Variants in ADGRL3 observed in about 807,000 individuals in gnomAD.
ADGRL3 encodes calcium-independent alpha-latrotoxin receptor 3.
Under a neutral mutation model 153.5 loss-of-function variants are expected in ADGRL3, and 62 were observed. The ratio of observed to expected loss-of-function variants is 0.40; its 90% CI spans 0.33 to 0.50. The LOEUF is 0.50. ADGRL3 is among the 20% of genes least tolerant of loss of function. The pLI is 0.47. For synonymous variants in ADGRL3, 710 were observed against 672.5 expected (o/e 1.06, Z -0.86); for missense variants, 1,641 against 1,859.4 (o/e 0.88, Z 2.16).
At chr4:61,669,247 T>C (rs1018105672) in intron 5 of ADGRL3, among the ~76,000 whole-genome samples, 5 of 152,208 alleles carry the variant, frequency 3.3e-5, no homozygotes, top group African/African-American at 7.2e-5. Context: ...ATTCTCTTTA[T>C]GACCTACATA....
intron 1 of ADGRL3, among the ~76,000 whole-genome samples, chr4:61,231,324 A>C (rs1750553948): frequency 6.6e-6 from 1 of 152,162 alleles, no homozygotes; most frequent in African/African-American, 2.4e-5. Flanking sequence ...TGGGTGAGGC[A>C]GAAACAGAAA....
chr4:61,510,247 A>T (rs2098456348), intron 3 of ADGRL3, among the ~76,000 whole-genome samples: 1 of 151,992 alleles, frequency 6.6e-6, no homozygotes, highest in Non-Finnish European at 1.5e-5. Flanking sequence ...TTGCTGTGTG[A>T]AAGTTCTTTA....
At chr4:61,994,666 A>G (rs1217383762) in intron 19 of ADGRL3, among the ~76,000 whole-genome samples, 1 of 152,128 alleles carries the variant, frequency 6.6e-6, no homozygotes, top group African/African-American at 2.4e-5. Flanking sequence ...AACCTAAAAC[A>G]TATGGCTAAA....
intron 5 of ADGRL3, among the ~76,000 whole-genome samples, chr4:61,645,182 T>C (rs1265358809): frequency 6.6e-6 from 1 of 152,236 alleles, no homozygotes; most frequent in East Asian, 1.9e-4. Context: ...TGTGTATCTC[T>C]GCACATGAGA....
At chr4:61,417,305 T>C (rs1422334850) in intron 2 of ADGRL3, among the ~76,000 whole-genome samples, 5 of 151,854 alleles carry the variant, frequency 3.3e-5, no homozygotes, top group Non-Finnish European at 1.5e-5. Flanking sequence ...CTGGGCAACA[T>C]AGTGAGACCC....
chr4:62,023,771 C>T (rs1716675426), intron 21 of ADGRL3, among the ~76,000 whole-genome samples: 1 of 152,092 alleles, frequency 6.6e-6, no homozygotes, highest in Non-Finnish European at 1.5e-5. Flanking sequence ...CTATTGCGTG[C>T]TTAATAGACT....
At chr4:61,364,591 G>A (rs1007029226) in intron 1 of ADGRL3, among the ~76,000 whole-genome samples, 9 of 151,770 alleles carry the variant, frequency 5.9e-5, no homozygotes, top group African/African-American at 1.7e-4. Flanking sequence ...TGTAGCACAC[G>A]AAATAGCACA....
chr4:61,744,015 T>C (rs183285440), intron 8 of ADGRL3, among the ~76,000 whole-genome samples: 2 of 152,160 alleles, frequency 1.3e-5, no homozygotes, highest in Admixed American at 1.3e-4. Context: ...ACCCCCATAC[T>C]GAGCTTTTCC....
At chr4:61,356,062 C>T (rs76054290) in intron 1 of ADGRL3, among the ~76,000 whole-genome samples, 5,046 of 152,046 alleles carry the variant, frequency 0.033, 132 homozygotes, top group Non-Finnish European at 0.052. Context: ...GCAGTATTTA[C>T]GAATGGTGAA....
intron 9 of ADGRL3, among the ~76,000 whole-genome samples, chr4:61,830,153 C>T (rs1311894377): frequency 1.3e-5 from 2 of 151,998 alleles, no homozygotes; most frequent in Non-Finnish European, 2.9e-5. Flanking sequence ...ACTACAAGCA[C>T]ATGTGCCATC....
chr4:62,053,020 T>C (rs1054837713), intron 25 of ADGRL3, among the ~76,000 whole-genome samples: 13 of 151,536 alleles, frequency 8.6e-5, no homozygotes, highest in African/African-American at 3.1e-4. Context: ...TTGAACTGTG[T>C]CTCTCATCTG....
chr4:61,823,445 A>G (rs1374630410), intron 9 of ADGRL3, among the ~76,000 whole-genome samples: 1 of 152,138 alleles, frequency 6.6e-6, no homozygotes. Flanking sequence ...TAATCATACT[A>G]TTCTTTAGGA....
At position 61,338,388 on chromosome 4, in the gene ADGRL3, T is replaced by C. The variant is rs868699624; in HGVS notation, c.-239-44736T>C. ...AAGTTAGTATGATTATCATTCAGTG[T>C]GTGTCTGTGTGTGTGTGTGTGTGTG... On this transcript the variant is annotated intron_variant, in intron 1 of 26. Coordinates refer to ENST00000683033, the MANE Select transcript of ADGRL3 (RefSeq NM_001387552.1). 1.7e-3 allele frequency among the ~76,000 whole-genome samples: 107 copies of C among 63,276 alleles called. No individual in the cohort carries two copies. The Middle Eastern group carries it at 0.041, about 24-fold the overall frequency. The allele number at this position is 63,276 out of a possible 152,430, so 41.5% of individuals were successfully genotyped here.
At chr4:61,314,946 T>G (rs2095153728) in intron 1 of ADGRL3, among the ~76,000 whole-genome samples, 2 of 152,230 alleles carry the variant, frequency 1.3e-5, no homozygotes. Context: ...TCTGTATCAT[T>G]CATTAATTCA....
chr4:62,022,045 C>A (rs1162853709), intron 21 of ADGRL3, among the ~76,000 whole-genome samples: 1 of 152,198 alleles, frequency 6.6e-6, no homozygotes, highest in Non-Finnish European at 1.5e-5. Flanking sequence ...CTGAGATAGG[C>A]TGAAAGCCAA....
chr4:61,379,975 T>C (rs2096648111), intron 1 of ADGRL3, among the ~76,000 whole-genome samples: 1 of 152,020 alleles, frequency 6.6e-6, no homozygotes, highest in Non-Finnish European at 1.5e-5. Context: ...CTTCAAATTC[T>C]GGCCTTGCCA....
At chr4:61,230,902 C>T (rs1244425189) in intron 1 of ADGRL3, among the ~76,000 whole-genome samples, 1 of 152,202 alleles carries the variant, frequency 6.6e-6, no homozygotes, top group African/African-American at 2.4e-5. Flanking sequence ...GGGAAAAGTG[C>T]TGATAAAAAC....
At chr4:61,477,234 A>G (rs966558329) in intron 2 of ADGRL3, among the ~76,000 whole-genome samples, 2 of 152,212 alleles carry the variant, frequency 1.3e-5, no homozygotes, top group African/African-American at 4.8e-5. Context: ...TTATTAAGTC[A>G]GAAAATTCAT....
intron 5 of ADGRL3, among the ~76,000 whole-genome samples, chr4:61,670,900 T>A (rs2094968681): frequency 6.6e-6 from 1 of 152,136 alleles, no homozygotes; most frequent in Admixed American, 6.5e-5. Context: ...TCAGGGTCAT[T>A]GTAGGATGTC....
Sources: gnomAD v4.1 joint callset for allele counts (sites outside exome capture counted in the v4.1 genomes callset) on GRCh38, gnomAD v4.1.1 for gene constraint, MANE v1.5 for transcripts, NCBI Gene and HGNC (gene_info 2026-07-23, HGNC 2026-07-21) for gene names.